Variants in CRB1 observed in about 807,000 individuals in gnomAD.
CRB1 encodes protein crumbs homolog 1.
Under a neutral mutation model 120.0 loss-of-function variants are expected in CRB1, and 83 were observed. The observed-to-expected ratio is 0.69, with a 90% CI of 0.58 to 0.83. The LOEUF (loss-of-function observed/expected upper bound fraction) is 0.83. CRB1 is among the 40% of genes least tolerant of loss of function. CRB1 has a pLI of 0.00. For missense variants in CRB1, 1,699 were observed against 1,687.6 expected (o/e 1.01, Z -0.12); for synonymous variants, 625 against 612.5 (o/e 1.02, Z -0.30).
In CRB1 at chr1:197,393,014, C is replaced by T. The variant is rs187760398; in HGVS notation, c.1172-27986C>T. On this transcript the variant is annotated intron_variant, in intron 5 of 11. Transcript: ENST00000367400. The stretch of plus-strand genomic sequence containing the variant: ...AATATATGTTGTATGAATGCATATA[C>T]TGTGCAATAATAACAAAATATATAC... Among the ~76,000 whole-genome samples the T allele has an allele frequency of 1.3e-4, 20 of 152,126 alleles. No individual in the cohort carries two copies. In the East Asian group the frequency reaches 3.9e-3, roughly 29 times the overall value.
At chr1:197,243,696 G>T in the CRB1 span, among the ~76,000 whole-genome samples, 1 of 152,082 alleles carries the variant, frequency 6.6e-6, no homozygotes, top group East Asian at 1.9e-4. Context: ...GGTTTGCTTG[G>T]TGTGGAACTG....
intron 11 of CRB1, among the ~76,000 whole-genome samples, chr1:197,447,853 CAAA>C (rs397861586): frequency 6.7e-5 from 4 of 60,008 alleles, no homozygotes; most frequent in African/African-American, 1.2e-4. Context: ...GAACCTGTCT[CAAA>C]AAAAAAAAAA....
At chr1:197,422,037 C>A in intron 6 of CRB1, 81 bp downstream of exon 6, 1 of 1,312,722 alleles carries the variant, frequency 7.6e-7, no homozygotes, top group East Asian at 2.3e-5. Context: ...CAGACTGCTT[C>A]TGCCTGCTAT....
intron 11 of CRB1, among the ~76,000 whole-genome samples, chr1:197,455,807 G>T (rs144512252): frequency 6.6e-6 from 1 of 152,038 alleles, no homozygotes; most frequent in African/African-American, 2.4e-5. Flanking sequence ...CATCCTAAAA[G>T]GTTATAAAGA....
intron 5 of CRB1, among the ~76,000 whole-genome samples, chr1:197,367,828 G>C (rs999313036): frequency 3.3e-5 from 5 of 152,110 alleles, no homozygotes; most frequent in African/African-American, 9.7e-5. Context: ...GGAAAGAACT[G>C]AGTGCAGCAG....
At chr1:197,345,715 C>T (rs1388178233) in intron 3 of CRB1, among the ~76,000 whole-genome samples, 3 of 151,794 alleles carry the variant, frequency 2.0e-5, no homozygotes, top group Non-Finnish European at 2.9e-5. Flanking sequence ...ACCATGTTGG[C>T]GAGGCTGGTC....
rs980888246 is a variant in CRB1 at position 197,348,255 on chromosome 1, C to T, written c.988+776C>T. 4.6e-5 allele frequency among the ~76,000 whole-genome samples: 7 copies of T among 152,212 alleles called. No individual in the cohort carries two copies. In the East Asian group the frequency reaches 9.7e-4, roughly 21 times the overall value. ...TCCCTCAGGAAGTATTCCAAAAGAA[C>T]GCATTGTTGTCATAGGAGATGACAG... On this transcript the variant is annotated intron_variant, in intron 4 of 11. Transcript: ENST00000367400.
chr1:197,260,157 GAA>G, the CRB1 span, among the ~76,000 whole-genome samples: 2 of 150,556 alleles, frequency 1.3e-5, no homozygotes, highest in African/African-American at 4.9e-5. Flanking sequence ...CCTAAAAAAA[GAA>G]AGAGAGAGAG....
chr1:197,308,480 T>C (rs1571810446), intron 1 of CRB1, among the ~76,000 whole-genome samples: 1 of 152,308 alleles, frequency 6.6e-6, no homozygotes, highest in East Asian at 1.9e-4. Flanking sequence ...GGAGTAATGA[T>C]AGGTTGTACA....
the CRB1 span, among the ~76,000 whole-genome samples, chr1:197,221,106 G>T: frequency 2.0e-5 from 3 of 152,280 alleles, no homozygotes; most frequent in Middle Eastern, 6.8e-3. Context: ...GGTGCATAAG[G>T]TGTGTAAAGT....
intron 5 of CRB1, among the ~76,000 whole-genome samples, chr1:197,366,462 G>T (rs1661082099): frequency 6.6e-6 from 1 of 152,052 alleles, no homozygotes; most frequent in Non-Finnish European, 1.5e-5. Flanking sequence ...TTATAATTAA[G>T]AATGTATTTA....
At chr1:197,341,988 T>C (rs892252793) in intron 2 of CRB1, among the ~76,000 whole-genome samples, 2 of 152,144 alleles carry the variant, frequency 1.3e-5, no homozygotes, top group Non-Finnish European at 2.9e-5. Flanking sequence ...CTTTGAGTGG[T>C]AGAGGTATAT....
At position 197,421,764 on chromosome 1, in the gene CRB1, A is replaced by T; in HGVS notation, c.1936A>T (p.Ile646Phe). The change falls in exon 6 of 12, where the codon ATT becomes TTT. Residue 646 changes from isoleucine to phenylalanine, a missense_variant. Transcript: ENST00000367400. ...TTCGTTTGTAGGCTGTCTCCAAGAC[A>T]TTAAAATTGATTGGAATCACATTAC... Reference protein sequence around the residue: ...TPSFVGCLQDIKIDWNHITLE... With the variant: ...TPSFVGCLQDFKIDWNHITLE... The T allele has an allele frequency of 6.2e-7, 1 of 1,614,224 alleles. No homozygotes were observed. The highest frequency in any genetic ancestry group is 8.5e-7 in the Non-Finnish European group (1 of 1,180,036).
At chr1:197,203,000 A>G in the CRB1 span, among the ~76,000 whole-genome samples, 1 of 145,564 alleles carries the variant, frequency 6.9e-6, no homozygotes, top group Non-Finnish European at 1.5e-5. Flanking sequence ...TGTGTGTGTG[A>G]CGGAGAGAGA....
intron 11 of CRB1, among the ~76,000 whole-genome samples, chr1:197,476,199 C>G (rs750594904): frequency 6.6e-5 from 10 of 152,136 alleles, no homozygotes; most frequent in South Asian, 2.1e-4. Flanking sequence ...TATGAGCCAC[C>G]GAGATTGTCT....
the CRB1 span, among the ~76,000 whole-genome samples, chr1:197,251,632 A>G: frequency 6.6e-6 from 1 of 152,006 alleles, no homozygotes; most frequent in African/African-American, 2.4e-5. Context: ...TTGCATATTG[A>G]TCCTCCCTGG....
At chr1:197,310,843 T>G (rs867816500) in intron 1 of CRB1, among the ~76,000 whole-genome samples, 15 of 152,292 alleles carry the variant, frequency 9.8e-5, no homozygotes, top group African/African-American at 3.1e-4. Context: ...CTCTTTGCAT[T>G]ATGTTTGTTA....
At chr1:197,289,051 C>A (rs1218999348) in intron 1 of CRB1, among the ~76,000 whole-genome samples, 1 of 150,928 alleles carries the variant, frequency 6.6e-6, no homozygotes, top group South Asian at 2.1e-4. Context: ...TTGAGGAGAC[C>A]CGGACAGATG....
chr1:197,403,436 C>A (rs550478561), intron 5 of CRB1, among the ~76,000 whole-genome samples: 2 of 152,262 alleles, frequency 1.3e-5, no homozygotes, highest in African/African-American at 4.8e-5. Context: ...GGGAAGTTCT[C>A]ATTTGTTCTT....
Sources: allele counts gnomAD v4.1 joint callset (sites outside exome capture counted in the v4.1 genomes callset), GRCh38; gene constraint gnomAD v4.1.1; transcripts MANE v1.5; gene names NCBI Gene and HGNC (gene_info 2026-07-23, HGNC 2026-07-21).